D2HGDH: variants seen among roughly 807,000 people sequenced by gnomAD.
The protein encoded by D2HGDH is D-2-hydroxyglutarate dehydrogenase.
D2HGDH carries 31 observed loss-of-function variants against 46.9 expected under a neutral mutation model. The ratio of observed to expected loss-of-function variants is 0.66; its 90% CI spans 0.50 to 0.89. The LOEUF (loss-of-function observed/expected upper bound fraction) is 0.89, where lower values mean the gene tolerates loss of function less well. Ranked by LOEUF, D2HGDH falls within the 40% of genes least tolerant of loss-of-function variation. D2HGDH has a pLI of 0.00. For missense variants in D2HGDH, 698 were observed against 720.8 expected, an observed-to-expected ratio of 0.97 and a Z score of 0.36; for synonymous variants, 364 against 332.6, an observed-to-expected ratio of 1.09 and a Z score of -1.03.
chr2:241,758,649 G>A (rs796320622), intron 9 of D2HGDH, among the ~76,000 whole-genome samples: 4 of 152,142 alleles, frequency 2.6e-5, no homozygotes, highest in African/African-American at 7.2e-5. Context: ...AGTGGTTCAC[G>A]CCTATAATCT....
rs769948029 is a variant in D2HGDH at position 241,756,003 on chromosome 2, A to G, written c.1295A>G (p.Tyr432Cys). The change falls in exon 9 of 10, where the codon TAT (tyrosine) becomes TGT (cysteine). Residue 432 changes from tyrosine (Y) to cysteine (C), a missense_variant. Tyr to Cys is a radical substitution (Grantham distance 194). Coordinates refer to ENST00000321264, the MANE Select transcript of D2HGDH (RefSeq NM_152783.5). ...LGPHAKHVVG[Y>C]GHLGDGNLHL... Reference sequence around the variant, plus strand: ...CCGCACGCCAAGCACGTGGTGGGCTATGGCCACCTTGGTGAGCGGCGCCCC... The same window carrying G: ...CCGCACGCCAAGCACGTGGTGGGCTGTGGCCACCTTGGTGAGCGGCGCCCC... 1.0e-5 allele frequency: 16 copies of G among 1,598,840 alleles called. No homozygotes were observed. The highest frequency in any genetic ancestry group is 1.7e-4 in the Middle Eastern group (1 of 6,046).
chr2:241,739,301 C>T (rs540234505), intron 2 of D2HGDH, among the ~76,000 whole-genome samples: 58 of 152,328 alleles, frequency 3.8e-4, no homozygotes, highest in African/African-American at 1.3e-3. Flanking sequence ...GCCACAGGCG[C>T]GTCACAAGTG....
intron 9 of D2HGDH, among the ~76,000 whole-genome samples, chr2:241,763,238 A>G (rs1390597370): frequency 1.3e-5 from 2 of 152,104 alleles, no homozygotes; most frequent in East Asian, 1.9e-4. Flanking sequence ...CACGGAGGGC[A>G]CTCACACCCA....
In D2HGDH at chr2:241,742,159, C is replaced by T. The variant is rs373492301; in HGVS notation, c.351-276C>T. Among the ~76,000 whole-genome samples the T allele has an allele frequency of 3.9e-5, 6 of 152,206 alleles. No homozygotes were observed. Among genetic ancestry groups the T allele is most frequent in the South Asian group, 2.1e-4 (1 of 4,818 alleles). Reference sequence around the variant, plus strand: ...TGGTGTGAACGGGAAGGATGGGAGCCGGGCGTGTAGGACGTTCTGTCCTTT... The same window carrying T: ...TGGTGTGAACGGGAAGGATGGGAGCTGGGCGTGTAGGACGTTCTGTCCTTT... On this transcript the variant is annotated intron_variant, in intron 3 of 9. Coordinates refer to ENST00000321264, the MANE Select transcript of D2HGDH (RefSeq NM_152783.5). This position sits in a 1 kb window ranked among gnomAD's most constrained non-coding sequence, Gnocchi z 4.8.
chr2:241,744,620 T>C, intron 5 of D2HGDH, 89 bp from the exon 6 acceptor site: 3 of 1,502,468 alleles, frequency 2.0e-6, no homozygotes, highest in Non-Finnish European at 2.8e-6. Flanking sequence ...GACCTCAGGC[T>C]GCTGCAGAAG....
chr2:241,757,603 T>G (rs1698310315), intron 9 of D2HGDH, among the ~76,000 whole-genome samples: 1 of 152,168 alleles, frequency 6.6e-6, no homozygotes, highest in Non-Finnish European at 1.5e-5. Context: ...CAGTCTCTCT[T>G]GGCCACAGAT....
chr2:241,755,486 C>T (rs755315082), intron 8 of D2HGDH: 2 of 1,331,846 alleles, frequency 1.5e-6, no homozygotes, highest in South Asian at 1.2e-5. Context: ...AGGTGGGCGC[C>T]TCCCCCTTCC....
At chr2:241,763,506 G>A (rs180958518) in intron 9 of D2HGDH, among the ~76,000 whole-genome samples, 2 of 152,194 alleles carry the variant, frequency 1.3e-5, no homozygotes, top group Non-Finnish European at 2.9e-5. Flanking sequence ...GTGGGTGAGC[G>A]TGAGGGGTTG....
At chr2:241,763,939 A>C (rs974302646) in intron 9 of D2HGDH, among the ~76,000 whole-genome samples, 3 of 152,002 alleles carry the variant, frequency 2.0e-5, no homozygotes, top group Non-Finnish European at 2.9e-5. Flanking sequence ...AGTCCCAGCT[A>C]CTCAGGAGGC....
rs371794611 is a variant in D2HGDH at position 241,755,951 on chromosome 2, G to T, written c.1243G>T (p.Val415Leu). 6.2e-7 allele frequency: 1 copy of T among 1,608,966 alleles called. No homozygotes were observed. Among genetic ancestry groups the T allele is most frequent in the Non-Finnish European group, 8.5e-7 (1 of 1,176,480 alleles). ...CCCTGTGGAGCGGCTCTACGACATC[G>T]TGACTGACCTGCGCGCCCGCCTCGG... is the stretch of plus-strand genomic sequence containing the variant. ...SLPVERLYDI[V>L]TDLRARLGPH... The change falls in exon 9 of 10, where the codon GTG becomes TTG. Residue 415 changes from valine (V) to leucine (L), a missense_variant. Coordinates refer to ENST00000321264, the MANE Select transcript of D2HGDH (RefSeq NM_152783.5).
chr2:241,741,831 G>A (rs986667917), intron 3 of D2HGDH, among the ~76,000 whole-genome samples: 18 of 149,690 alleles, frequency 1.2e-4, no homozygotes, highest in African/African-American at 4.2e-4. Flanking sequence ...TTTATTTCAT[G>A]TGTGGGGCTT....
rs1057488455 is a variant in D2HGDH, at chr2:241,754,728, C to T, written c.1141-1121C>T. 12 of 213,308 alleles carry T rather than the reference C, an allele frequency of 5.6e-5. No homozygotes were observed. In the East Asian group the frequency reaches 5.7e-4, roughly 10 times the overall value. The allele number at this position is 213,308 out of a possible 1,614,324, so 13.2% of individuals were successfully genotyped here. On this transcript the variant is annotated intron_variant, in intron 8 of 9. Transcript: ENST00000321264. ...AAGCAATCCTCCCGCCTCAGCCTCC[C>T]GAGTAGCTGAGTCTACAGGTGCCCA...
chr2:241,749,886 C>A (rs1035861635), intron 6 of D2HGDH: 3 of 521,278 alleles, frequency 5.8e-6, no homozygotes, highest in African/African-American at 3.8e-5. Context: ...GTGGTGACAC[C>A]AGGCGTGCAC....
intron 9 of D2HGDH, among the ~76,000 whole-genome samples, chr2:241,756,644 C>T (rs965138225): frequency 1.3e-5 from 2 of 152,206 alleles, no homozygotes; most frequent in South Asian, 4.1e-4. Context: ...GCCCCAGCCT[C>T]CCGAGTCTCT....
intron 9 of D2HGDH, 143 bp from the exon 10 acceptor site, chr2:241,767,567 C>G: frequency 8.3e-7 from 1 of 1,210,820 alleles, no homozygotes; most frequent in Non-Finnish European, 1.2e-6. Context: ...GTCGGCACGT[C>G]CAGGGCGAGT....
chr2:241,753,717 C>T (rs112536496), intron 8 of D2HGDH, among the ~76,000 whole-genome samples: 11 of 152,372 alleles, frequency 7.2e-5, no homozygotes, highest in African/African-American at 2.4e-4. Flanking sequence ...GAGTAGTGAC[C>T]ACGGCGGGTC....
Position 241,743,888 on chromosome 2 carries a change from G to A in D2HGDH, c.684+73G>A. The A allele has an allele frequency of 6.6e-7, 1 of 1,516,790 alleles. No homozygotes were observed. The highest frequency in any genetic ancestry group is 1.2e-5 in the South Asian group (1 of 82,966). The allele number at this position is 1,516,790 out of a possible 1,614,324, so 94.0% of individuals were successfully genotyped here. A position where few individuals can be genotyped will look rare whatever the true frequency, so the allele number is the denominator to read the frequency against. On this transcript the variant is annotated intron_variant, in intron 5 of 9. Coordinates refer to ENST00000321264, the MANE Select transcript of D2HGDH (RefSeq NM_152783.5). The surrounding 1 kb of genome is among the most constrained non-coding windows in gnomAD (Gnocchi z 4.8). ...CTCACGGCTCTCATGGGCCCACGTG[G>A]TGGCACAGGTGCATGGGGCCCCTCG... is the stretch of plus-strand genomic sequence containing the variant.
chr2:241,748,635 G>A (rs572958132), intron 6 of D2HGDH, among the ~76,000 whole-genome samples: 21 of 152,150 alleles, frequency 1.4e-4, no homozygotes, highest in African/African-American at 1.4e-4. Flanking sequence ...TGCCCCTCTC[G>A]CCCATTGCCT....
intron 9 of D2HGDH, 44 bp downstream of exon 9, chr2:241,756,058 T>G (rs1280897258): frequency 6.4e-7 from 1 of 1,566,248 alleles, no homozygotes; most frequent in Non-Finnish European, 8.7e-7. Context: ...TGCTGGGTGG[T>G]GGGCCCCACG....
Sources: gnomAD v4.1 joint callset for allele counts (sites outside exome capture counted in the v4.1 genomes callset) on GRCh38, gnomAD v4.1.1 for gene constraint, Gnocchi (gnomAD v3.1) non-coding constraint, MANE v1.5 for transcripts, NCBI Gene and HGNC (gene_info 2026-07-23, HGNC 2026-07-21) for gene names.